The following UGT1A7 variants were observed in gnomAD, a reference collection of about 807,000 sequenced individuals.
UGT1A7 encodes the protein UDP-glucuronosyltransferase 1A7.
Under a neutral mutation model 45.6 loss-of-function variants are expected in UGT1A7, and 33 were observed. The ratio of observed to expected loss-of-function variants is 0.72; its 90% CI spans 0.55 to 0.97. The LOEUF (loss-of-function observed/expected upper bound fraction) is 0.97. Ranked by LOEUF, UGT1A7 falls within the 50% of genes least tolerant of loss-of-function variation. The pLI is 0.00. For missense variants in UGT1A7, 684 were observed against 666.2 expected (o/e 1.03, Z -0.29); for synonymous variants, 274 against 250.6 (o/e 1.09, Z -0.88).
At chr2:233,729,586 G>A (rs138085546) in intron 1 of UGT1A7, 599 of 1,614,044 alleles carry the variant, frequency 3.7e-4, no homozygotes, top group Non-Finnish European at 4.5e-4. Context: ...AACAGACCCC[G>A]TTAACCTCTG....
chr2:233,768,183 A>T (rs753962326), intron 3 of UGT1A7, 37 bp from the exon 4 acceptor site: 2 of 1,614,004 alleles, frequency 1.2e-6, no homozygotes, highest in Admixed American at 3.3e-5. Context: ...AAACTCAGAG[A>T]TGTAACTGCT....
At chr2:233,695,786 T>C (rs2075307257) in intron 1 of UGT1A7, among the ~76,000 whole-genome samples, 3 of 152,220 alleles carry the variant, frequency 2.0e-5, no homozygotes, top group Non-Finnish European at 2.9e-5. Context: ...TTTTCCATTC[T>C]GTATATGTAC....
At chr2:233,692,518 G>A (rs745597997) in intron 1 of UGT1A7, among the ~76,000 whole-genome samples, 2 of 152,138 alleles carry the variant, frequency 1.3e-5, no homozygotes, top group Admixed American at 6.5e-5. Context: ...TGTGGGGTCC[G>A]TGCTAACTCA....
At position 233,729,426 on chromosome 2, in the gene UGT1A7, C is replaced by T. The variant is rs141561137; in HGVS notation, c.856-37608C>T. On this transcript the variant is annotated intron_variant, in intron 1 of 4. Coordinates refer to ENST00000373426, the MANE Select transcript of UGT1A7 (RefSeq NM_019077.3). The stretch of plus-strand genomic sequence containing the variant: ...ATGTGCTGGGCCACACTCAACTGTA[C>T]TTTGAAACAGAACATTTTCTGAAGA... The T allele has an allele frequency of 1.1e-4, 183 of 1,613,828 alleles. 1 individual carries two copies. The African/African-American group carries it at 2.1e-3, about 19-fold the overall frequency.
chr2:233,730,805 C>T lies in UGT1A7; in HGVS notation c.856-36229C>T, dbSNP rs1300674674. On this transcript the variant is annotated intron_variant, in intron 1 of 4. Coordinates refer to ENST00000373426, the MANE Select transcript of UGT1A7 (RefSeq NM_019077.3). ...CTGGGGACAGTGATGAATGGACATG[C>T]GTCCAAGAAGGGAAGCATTTCTCAG... Among the ~76,000 whole-genome samples the T allele has an allele frequency of 3.3e-5, 5 of 152,230 alleles. 1 individual carries two copies. The highest frequency in any genetic ancestry group is 2.0e-4 in the Admixed American group (3 of 15,282).
At chr2:233,705,789 C>T (rs144194882) in intron 1 of UGT1A7, among the ~76,000 whole-genome samples, 360 of 152,188 alleles carry the variant, frequency 2.4e-3, no homozygotes, top group Non-Finnish European at 4.2e-3. Flanking sequence ...TGCAAAATGC[C>T]CCTTGTTCAA....
rs557040072 is a variant in UGT1A7 at position 233,724,531 on chromosome 2, C to A, written c.855+41739C>A. ...CCTCACCTCCCAGATGGGGTCTCGCCGGGCAGAGGCGCTCCTCACATCCCA... is the reference window on the plus strand; with the variant it reads ...CCTCACCTCCCAGATGGGGTCTCGCAGGGCAGAGGCGCTCCTCACATCCCA... On this transcript the variant is annotated intron_variant, in intron 1 of 4. Transcript: ENST00000373426. 8.8e-3 allele frequency among the ~76,000 whole-genome samples: 1,074 copies of A among 121,634 alleles called. 62 individuals carry two copies. Among genetic ancestry groups the A allele is most frequent in the African/African-American group, 0.033 (990 of 29,780 alleles). 79.8% of individuals were successfully genotyped at this position (121,634 alleles called of 152,430 possible). A position where few individuals can be genotyped will look rare whatever the true frequency, so the allele number is the denominator to read the frequency against.
Position 233,767,767 on chromosome 2 carries a change from T to C in UGT1A7, c.988-82T>C, listed in dbSNP as rs2302538. Reference sequence around the variant, plus strand: ...AAAGACTGTTCCTTCAGAGGACCCCTGTTTTCTAGTTAGTATAGCAGATTT... The same window carrying C: ...AAAGACTGTTCCTTCAGAGGACCCCCGTTTTCTAGTTAGTATAGCAGATTT... On this transcript the variant is annotated intron_variant, in intron 2 of 4. Coordinates refer to ENST00000373426, the MANE Select transcript of UGT1A7 (RefSeq NM_019077.3). The C allele has an allele frequency of 0.14, 222,887 of 1,608,838 alleles. 18,348 individuals are homozygous for C. Among genetic ancestry groups the C allele is most frequent in the African/African-American group, 0.38 (28,350 of 74,890 alleles).
intron 1 of UGT1A7, chr2:233,740,811 C>T (rs1350970609): frequency 1.3e-5 from 2 of 151,872 alleles, no homozygotes; most frequent in Admixed American, 1.3e-4. Flanking sequence ...TAGCACTGTT[C>T]TGTTTTTGAG....
At chr2:233,707,347 A>G (rs934589203) in intron 1 of UGT1A7, among the ~76,000 whole-genome samples, 7 of 152,128 alleles carry the variant, frequency 4.6e-5, no homozygotes, top group African/African-American at 1.7e-4. Context: ...TGCTGCCCAG[A>G]TCAACCCATC....
intron 1 of UGT1A7, among the ~76,000 whole-genome samples, chr2:233,746,994 GT>G (rs1693533640): frequency 6.6e-6 from 1 of 151,864 alleles, no homozygotes; most frequent in South Asian, 2.1e-4. Flanking sequence ...GGTCAGATGA[GT>G]TTTTCAAGTA....
chr2:233,690,111 A>G lies in UGT1A7; in HGVS notation c.855+7319A>G, dbSNP rs552221300. 7.3e-4 allele frequency among the ~76,000 whole-genome samples: 110 copies of G among 151,064 alleles called. 1 individual carries two copies. Among genetic ancestry groups the G allele is most frequent in the African/African-American group, 2.3e-3 (97 of 41,448 alleles). On this transcript the variant is annotated intron_variant, in intron 1 of 4. Coordinates refer to ENST00000373426, the MANE Select transcript of UGT1A7 (RefSeq NM_019077.3). ...AAATTGCTCCTGCATCTTATGTCAC[A>G]TATGTCTTTGTAACTTGGTGAGCTA...
intron 1 of UGT1A7, among the ~76,000 whole-genome samples, chr2:233,724,260 C>G (rs1481062069): frequency 7.7e-6 from 1 of 129,912 alleles, no homozygotes; most frequent in African/African-American, 3.0e-5. Flanking sequence ...CCTCACCTCC[C>G]GGACGGGGCG....
chr2:233,719,424 T>A (rs1477800386), intron 1 of UGT1A7: 11 of 1,613,828 alleles, frequency 6.8e-6, no homozygotes, highest in Non-Finnish European at 9.3e-6. Flanking sequence ...AACGACCAAT[T>A]CAGACCACAT....
chr2:233,733,052 A>G (rs1453570280), intron 1 of UGT1A7, among the ~76,000 whole-genome samples: 2 of 151,868 alleles, frequency 1.3e-5, no homozygotes, highest in African/African-American at 4.8e-5. Context: ...ATTCCTAGGT[A>G]TTTTATTCTC....
chr2:233,730,559 G>A (rs1203367462), intron 1 of UGT1A7, among the ~76,000 whole-genome samples: 1 of 152,170 alleles, frequency 6.6e-6, no homozygotes, highest in Non-Finnish European at 1.5e-5. Context: ...ATTAGAGAAT[G>A]ACACACGAAG....
intron 1 of UGT1A7, among the ~76,000 whole-genome samples, chr2:233,695,976 G>A (rs1024119287): frequency 6.6e-6 from 1 of 152,118 alleles, no homozygotes; most frequent in African/African-American, 2.4e-5. Flanking sequence ...ATTCAGTTCT[G>A]AAGATGTCCA....
chr2:233,756,940 T>G (rs1408779384), intron 1 of UGT1A7, among the ~76,000 whole-genome samples: 1 of 152,052 alleles, frequency 6.6e-6, no homozygotes, highest in Non-Finnish European at 1.5e-5. Context: ...TTACATAACC[T>G]GAAACCCGGA....
At chr2:233,741,922 TG>T (rs1282682556) in intron 1 of UGT1A7, 2 of 151,910 alleles carry the variant, frequency 1.3e-5, no homozygotes, top group Non-Finnish European at 2.9e-5. Flanking sequence ...GGTCTTCATT[TG>T]GGGCATAACC....
Sources: gnomAD v4.1 joint callset for allele counts (sites outside exome capture counted in the v4.1 genomes callset) on GRCh38, gnomAD v4.1.1 for gene constraint, MANE v1.5 for transcripts, NCBI Gene and HGNC (gene_info 2026-07-23, HGNC 2026-07-21) for gene names.